Variants in FHIT observed in about 807,000 individuals in gnomAD.
The protein encoded by FHIT is fragile histidine triad diadenosine triphosphatase.
A neutral mutation model predicts 17.9 loss-of-function variants in FHIT; 19 were observed. That is an observed-to-expected ratio of 1.06 (90% confidence interval 0.74 to 1.56). The LOEUF is 1.56. Among genes scored for constraint, FHIT ranks in the 40% most tolerant of loss-of-function variants. The pLI is 0.00. For synonymous variants in FHIT, 81 were observed against 69.7 expected (o/e 1.16, Z -0.81); for missense variants, 248 against 189.2 (o/e 1.31, Z -1.82).
chr3:60,650,665 C>T (rs1553688061), intron 4 of FHIT, among the ~76,000 whole-genome samples: 1 of 152,150 alleles, frequency 6.6e-6, no homozygotes, highest in East Asian at 1.9e-4. Context: ...ACTACATATA[C>T]TACTTTATGC....
chr3:60,271,179 C>G (rs11130761), intron 5 of FHIT, among the ~76,000 whole-genome samples: 38,181 of 151,934 alleles, frequency 0.25, 5,499 homozygotes, highest in East Asian at 0.67. Flanking sequence ...GTGGGCAGAT[C>G]TCTTGAGCTC....
intron 5 of FHIT, among the ~76,000 whole-genome samples, chr3:60,321,379 G>C (rs1709425521): frequency 6.6e-6 from 1 of 152,158 alleles, no homozygotes; most frequent in South Asian, 2.1e-4. Context: ...AGTAGGCTGA[G>C]ACAGGAGTAT....
At position 61,248,618 on chromosome 3, in the gene FHIT, G is replaced by C. The variant is rs573663209; in HGVS notation, c.-213+2683C>G. 5.9e-5 allele frequency among the ~76,000 whole-genome samples: 9 copies of C among 152,314 alleles called. No individual in the cohort carries two copies. In the South Asian group the frequency reaches 8.3e-4, roughly 14 times the overall value. On this transcript the variant is annotated intron_variant, in intron 1 of 9. Coordinates refer to ENST00000492590, the MANE Select transcript of FHIT (RefSeq NM_002012.4). ...GTCTGAAAGAACAAAAGAGAAAAGA[G>C]TAATGGGAGCCAAAACCAGACTAAC...
intron 2 of FHIT, among the ~76,000 whole-genome samples, chr3:61,152,228 T>A (rs376084341): frequency 6.6e-6 from 1 of 151,836 alleles, no homozygotes; most frequent in Non-Finnish European, 1.5e-5. Context: ...ATCAGGGAGA[T>A]AGAAAAAGAG....
chr3:59,976,681 C>T (rs890859794), intron 7 of FHIT, among the ~76,000 whole-genome samples: 3 of 152,040 alleles, frequency 2.0e-5, no homozygotes, highest in Non-Finnish European at 2.9e-5. Context: ...TAAATCAAAT[C>T]GATATTTGCC....
chr3:60,732,046 C>A, intron 4 of FHIT: 1 of 478,878 alleles, frequency 2.1e-6, no homozygotes, highest in Non-Finnish European at 3.8e-6. Flanking sequence ...AGCGACAATA[C>A]AAAGATTCTA....
chr3:60,533,556 A>G (rs1434077090), intron 5 of FHIT, among the ~76,000 whole-genome samples: 2 of 152,226 alleles, frequency 1.3e-5, no homozygotes, highest in African/African-American at 4.8e-5. Flanking sequence ...ATGAATCAAC[A>G]TGAGAATAAG....
At chr3:60,007,317 A>C (rs1468266701) in intron 7 of FHIT, among the ~76,000 whole-genome samples, 1 of 152,226 alleles carries the variant, frequency 6.6e-6, no homozygotes, top group African/African-American at 2.4e-5. Flanking sequence ...TGATTCGTGG[A>C]AATTTTAGTC....
chr3:60,174,781 A>G (rs1701590999), intron 5 of FHIT, among the ~76,000 whole-genome samples: 1 of 152,176 alleles, frequency 6.6e-6, no homozygotes, highest in Non-Finnish European at 1.5e-5. Flanking sequence ...TCATCATCCT[A>G]AAATAAAACG....
chr3:59,842,817 T>C (rs1044614160), intron 8 of FHIT, among the ~76,000 whole-genome samples: 5 of 152,134 alleles, frequency 3.3e-5, no homozygotes, highest in African/African-American at 1.2e-4. Context: ...TAATCTATTA[T>C]CAGATATATG....
At chr3:60,713,066 T>C (rs1447041920) in intron 4 of FHIT, among the ~76,000 whole-genome samples, 1 of 152,176 alleles carries the variant, frequency 6.6e-6, no homozygotes, top group African/African-American at 2.4e-5. Context: ...AGAGAAATTA[T>C]AACAAACTGT....
intron 5 of FHIT, among the ~76,000 whole-genome samples, chr3:60,522,704 C>G (rs1004249925): frequency 6.6e-6 from 1 of 152,162 alleles, no homozygotes; most frequent in African/African-American, 2.4e-5. Flanking sequence ...GGCATCATCT[C>G]CTTGAGGAAG....
intron 3 of FHIT, among the ~76,000 whole-genome samples, chr3:60,922,096 G>A (rs1553768536): frequency 6.6e-6 from 1 of 152,276 alleles, no homozygotes; most frequent in African/African-American, 2.4e-5. Flanking sequence ...CTAGAAAGGT[G>A]GATCTCTCAA....
At chr3:59,998,189 C>A (rs549661422) in intron 7 of FHIT, among the ~76,000 whole-genome samples, 5 of 152,054 alleles carry the variant, frequency 3.3e-5, no homozygotes, top group African/African-American at 4.8e-5. Context: ...ATCTAGCCAC[C>A]GGTGTGCTTG....
intron 2 of FHIT, among the ~76,000 whole-genome samples, chr3:61,083,190 C>T (rs1262935143): frequency 1.3e-5 from 2 of 152,160 alleles, no homozygotes; most frequent in Non-Finnish European, 2.9e-5. Context: ...AACTCACATA[C>T]CATCCAATTC....
At chr3:60,750,124 C>T (rs2042437140) in intron 4 of FHIT, among the ~76,000 whole-genome samples, 1 of 152,046 alleles carries the variant, frequency 6.6e-6, no homozygotes, top group African/African-American at 2.4e-5. Flanking sequence ...CCTTCATGGA[C>T]AGGACTGTGG....
chr3:60,395,196 T>G (rs1382342697), intron 5 of FHIT, among the ~76,000 whole-genome samples: 1 of 152,174 alleles, frequency 6.6e-6, no homozygotes, highest in Non-Finnish European at 1.5e-5. Flanking sequence ...GCTGATAATT[T>G]CTGCAAGGCA....
chr3:59,785,505 T>C (rs1213193399), intron 8 of FHIT, among the ~76,000 whole-genome samples: 1 of 151,950 alleles, frequency 6.6e-6, no homozygotes, highest in East Asian at 1.9e-4. Flanking sequence ...GACGTGGGGT[T>C]TTACCATGTC....
chr3:60,195,882 G>C (rs941067677), intron 5 of FHIT, among the ~76,000 whole-genome samples: 1 of 148,850 alleles, frequency 6.7e-6, no homozygotes, highest in African/African-American at 2.5e-5. Context: ...AGAAGGGAGG[G>C]TGGGAGGGGC....
Sources: gnomAD v4.1 joint callset for allele counts (sites outside exome capture counted in the v4.1 genomes callset) on GRCh38, gnomAD v4.1.1 for gene constraint, MANE v1.5 for transcripts, NCBI Gene and HGNC (gene_info 2026-07-23, HGNC 2026-07-21) for gene names.